The following ATP2B2 variants were observed in gnomAD, a reference collection of about 807,000 sequenced individuals.
ATP2B2 encodes plasma membrane calcium-transporting ATPase 2.
ATP2B2 carries 15 observed loss-of-function variants against 120.0 expected under a neutral mutation model. The observed-to-expected ratio is 0.12, with a 90% CI of 0.08 to 0.19. ATP2B2 has a LOEUF of 0.19. Among genes scored for constraint, ATP2B2 ranks in the 10% least tolerant of loss-of-function variants. ATP2B2 has a pLI of 1.00. For synonymous variants in ATP2B2, 694 were observed against 700.3 expected, an observed-to-expected ratio of 0.99 and a Z score of 0.14; for missense variants, 1,045 against 1,719.8, an observed-to-expected ratio of 0.61 and a Z score of 6.94.
intron 1 of ATP2B2, among the ~76,000 whole-genome samples, chr3:10,693,401 G>A (rs1030900249): frequency 4.6e-5 from 7 of 152,216 alleles, no homozygotes; most frequent in Non-Finnish European, 1.0e-4. Context: ...TGACAGGCCT[G>A]CTCTGGTGTG....
At chr3:10,433,479 G>A (rs537174430) in intron 2 of ATP2B2, among the ~76,000 whole-genome samples, 11 of 152,256 alleles carry the variant, frequency 7.2e-5, no homozygotes, top group South Asian at 4.1e-4. Context: ...GGAATGTTAG[G>A]ATACCCAAAG....
At chr3:10,700,164 C>A (rs1438244813) in intron 1 of ATP2B2, among the ~76,000 whole-genome samples, 1 of 151,948 alleles carries the variant, frequency 6.6e-6, no homozygotes, top group East Asian at 1.9e-4. Flanking sequence ...TCCATGACAC[C>A]CACCTCTGCT....
At chr3:10,644,296 C>A (rs1452028477) in intron 1 of ATP2B2, among the ~76,000 whole-genome samples, 1 of 152,142 alleles carries the variant, frequency 6.6e-6, no homozygotes, top group African/African-American at 2.4e-5. Context: ...AATTGGAACC[C>A]TTGTACGTTG....
At chr3:10,439,218 GCAGA>G (rs1454607374) in intron 2 of ATP2B2, among the ~76,000 whole-genome samples, 1 of 152,238 alleles carries the variant, frequency 6.6e-6, no homozygotes, top group Non-Finnish European at 1.5e-5. Flanking sequence ...GGGCATCAAG[GCAGA>G]CAGTTTCACA....
rs532341975 is a variant in ATP2B2, at chr3:10,439,192, G to A, written c.199+10153C>T. On this transcript the variant is annotated intron_variant, in intron 2 of 22. Transcript: ENST00000360273. ...GAGTCAGCCACCCTTTGACCCATCT[G>A]ATGTCTACAGAATGGGGGCATCAAG... is the stretch of plus-strand genomic sequence containing the variant. Among the ~76,000 whole-genome samples, 6 of 152,354 alleles carry A rather than the reference G, an allele frequency of 3.9e-5. No individual in the cohort carries two copies. The South Asian group carries it at 1.2e-3, about 32-fold the overall frequency.
intron 2 of ATP2B2, among the ~76,000 whole-genome samples, chr3:10,422,363 C>T (rs754963386): frequency 1.3e-5 from 2 of 152,202 alleles, no homozygotes; most frequent in Non-Finnish European, 2.9e-5. Context: ...AGTTCAGAAC[C>T]AGTCTGATGG....
chr3:10,410,571 G>T, intron 3 of ATP2B2, 47 bp downstream of exon 3: 1 of 1,543,234 alleles, frequency 6.5e-7, no homozygotes, highest in Non-Finnish European at 8.8e-7. Flanking sequence ...GCGTGGATGC[G>T]GTGGCCAGGT....
chr3:10,681,461 AAT>A (rs1161667391), intron 1 of ATP2B2, among the ~76,000 whole-genome samples: 2 of 152,214 alleles, frequency 1.3e-5, no homozygotes, highest in African/African-American at 4.8e-5. Flanking sequence ...CCCCATTTCA[AAT>A]ATGAGGGGCT....
intron 2 of ATP2B2, among the ~76,000 whole-genome samples, chr3:10,587,420 A>C (rs1451746461): frequency 1.3e-5 from 2 of 148,898 alleles, no homozygotes; most frequent in African/African-American, 5.0e-5. Flanking sequence ...ACAGAATCTC[A>C]CACTGTCACC....
intron 7 of ATP2B2, among the ~76,000 whole-genome samples, chr3:10,385,879 C>A (rs2061663523): frequency 6.6e-6 from 1 of 152,260 alleles, no homozygotes; most frequent in Non-Finnish European, 1.5e-5. Context: ...CCTTAACTGG[C>A]ATTCCAGAGA....
intron 1 of ATP2B2, among the ~76,000 whole-genome samples, chr3:10,481,780 C>T (rs1282037699): frequency 6.6e-6 from 1 of 152,214 alleles, no homozygotes; most frequent in African/African-American, 2.4e-5. Flanking sequence ...TCTCAAACTC[C>T]TGACCTCAGG....
In ATP2B2 at chr3:10,375,317, G is replaced by C. The variant is rs956076964; in HGVS notation, c.1416+113C>G. ...CATTCTTCTTCCAAGCTCCTAGGGG[G>C]TCTATGGGGCTTCTTCGTTCATCTC... On this transcript the variant is annotated intron_variant, in intron 11 of 22. Coordinates refer to ENST00000360273, the MANE Select transcript of ATP2B2 (RefSeq NM_001001331.4). The surrounding 1 kb of genome is among the most constrained non-coding windows in gnomAD (Gnocchi z 4.2). 1.1e-6 allele frequency: 1 copy of C among 881,714 alleles called. No homozygotes were observed. The highest frequency in any genetic ancestry group is 1.4e-5 in the South Asian group (1 of 71,440). The allele number at this position is 881,714 out of a possible 1,614,324, so 54.6% of individuals were successfully genotyped here.
intron 2 of ATP2B2, among the ~76,000 whole-genome samples, chr3:10,586,079 T>C (rs2068504405): frequency 6.6e-6 from 1 of 152,194 alleles, no homozygotes; most frequent in Non-Finnish European, 1.5e-5. Flanking sequence ...TTAGTGGTCA[T>C]TTTTATTAGT....
chr3:10,648,707 CAT>C (rs989069990), intron 1 of ATP2B2, among the ~76,000 whole-genome samples: 20 of 152,224 alleles, frequency 1.3e-4, no homozygotes, highest in Non-Finnish European at 2.6e-4. Context: ...CATCCAGAGA[CAT>C]AACCTGGGAG....
chr3:10,473,458 C>G (rs765838870), intron 1 of ATP2B2, among the ~76,000 whole-genome samples: 8 of 152,094 alleles, frequency 5.3e-5, no homozygotes, highest in Non-Finnish European at 8.8e-5. Context: ...ATGGTGAAAC[C>G]CTGTCTCTAT....
At position 10,515,917 on chromosome 3, in the gene ATP2B2, G is replaced by A. The variant is rs9838451; in HGVS notation, c.-320+18122C>T. On this transcript the variant is annotated intron_variant, in intron 3 of 21. Transcript: ENST00000646379. ...TCTTTTCCCTTGAAACAAGCAGGAC[G>A]TAAGTATCTCCATCTTGTGTGGCAT... 1.1e-3 allele frequency among the ~76,000 whole-genome samples: 161 copies of A among 152,246 alleles called. 1 individual carries two copies. Among genetic ancestry groups the A allele is most frequent in the Non-Finnish European group, 1.7e-3 (119 of 68,032 alleles).
intron 1 of ATP2B2, among the ~76,000 whole-genome samples, chr3:10,464,092 G>T (rs976847572): frequency 6.6e-6 from 1 of 152,334 alleles, no homozygotes; most frequent in African/African-American, 2.4e-5. Context: ...GTGACCATGG[G>T]GGGGCCTGAC....
chr3:10,652,049 T>C (rs1394326709), intron 1 of ATP2B2, among the ~76,000 whole-genome samples: 1 of 152,152 alleles, frequency 6.6e-6, no homozygotes, highest in African/African-American at 2.4e-5. Flanking sequence ...CTCTTCTGAT[T>C]TGGATATGTA....
chr3:10,549,896 G>A (rs532879915), intron 2 of ATP2B2, among the ~76,000 whole-genome samples: 29 of 152,334 alleles, frequency 1.9e-4, no homozygotes, highest in African/African-American at 5.8e-4. Flanking sequence ...GAGGAGGGGC[G>A]TCTGACCTTA....
Sources: allele counts gnomAD v4.1 joint callset (sites outside exome capture counted in the v4.1 genomes callset), GRCh38; gene constraint gnomAD v4.1.1; non-coding constraint Gnocchi (gnomAD v3.1); transcripts MANE v1.5; gene names NCBI Gene and HGNC (gene_info 2026-07-23, HGNC 2026-07-21).